The following NCAM2 variants were observed in gnomAD, a reference collection of about 807,000 sequenced individuals.
NCAM2 encodes N-CAM-2.
NCAM2 carries 30 observed loss-of-function variants against 98.1 expected under a neutral mutation model. The observed-to-expected ratio is 0.31, with a 90% CI of 0.23 to 0.41. The LOEUF (loss-of-function observed/expected upper bound fraction) is 0.41. NCAM2 is among the 10% of genes least tolerant of loss of function. The pLI, the probability that NCAM2 is intolerant of heterozygous loss-of-function variation, is 1.00. For synonymous variants in NCAM2, 368 were observed against 342.4 expected (o/e 1.07, Z -0.83); for missense variants, 867 against 1,005.8 (o/e 0.86, Z 1.87).
At chr21:21,300,247 C>T (rs1949436912) in intron 5 of NCAM2, among the ~76,000 whole-genome samples, 2 of 151,952 alleles carry the variant, frequency 1.3e-5, no homozygotes, top group South Asian at 4.2e-4. Flanking sequence ...TTTCCAGGGG[C>T]CCTATTTGCA....
At chr21:21,170,648 C>A (rs757897461) in intron 1 of NCAM2, among the ~76,000 whole-genome samples, 8 of 152,074 alleles carry the variant, frequency 5.3e-5, no homozygotes, top group Non-Finnish European at 1.0e-4. Context: ...CTATTTAGGG[C>A]AGTGGAATTA....
chr21:21,023,911 AT>A (rs2146195821), intron 1 of NCAM2, among the ~76,000 whole-genome samples: 1 of 152,300 alleles, frequency 6.6e-6, no homozygotes, highest in Non-Finnish European at 1.5e-5. Context: ...TTTCACAAAT[AT>A]GTTTCTGAGG....
chr21:21,479,961 C>A (rs1219107538), intron 15 of NCAM2, among the ~76,000 whole-genome samples: 1 of 152,090 alleles, frequency 6.6e-6, no homozygotes, highest in Non-Finnish European at 1.5e-5. Flanking sequence ...TTCTTTGTGA[C>A]AAACCCTTGA....
chr21:21,102,395 C>T (rs1047097551), intron 1 of NCAM2, among the ~76,000 whole-genome samples: 4 of 151,922 alleles, frequency 2.6e-5, no homozygotes, highest in African/African-American at 9.7e-5. Context: ...TTTAACTCCT[C>T]ACAATACAGG....
chr21:21,450,937 A>C (rs1980965168), intron 12 of NCAM2, among the ~76,000 whole-genome samples: 1 of 150,484 alleles, frequency 6.6e-6, no homozygotes, highest in African/African-American at 2.5e-5. Context: ...TTTAATTTAA[A>C]GGGTGGGAGA....
intron 1 of NCAM2, among the ~76,000 whole-genome samples, chr21:21,017,640 C>T (rs1429028724): frequency 6.6e-6 from 1 of 151,946 alleles, no homozygotes; most frequent in African/African-American, 2.4e-5. Context: ...AAAAGCTGCA[C>T]AGTGAATCAA....
intron 1 of NCAM2, among the ~76,000 whole-genome samples, chr21:21,056,992 T>A (rs899509763): frequency 1.3e-5 from 2 of 151,990 alleles, no homozygotes; most frequent in African/African-American, 2.4e-5. Context: ...TTTTGTTTTA[T>A]TATAAAAAAT....
At chr21:21,253,446 C>T (rs1206097664) in intron 1 of NCAM2, among the ~76,000 whole-genome samples, 3 of 152,008 alleles carry the variant, frequency 2.0e-5, no homozygotes, top group African/African-American at 7.3e-5. Flanking sequence ...CATTGGAGCC[C>T]TTATAAATGG....
At chr21:21,491,227 A>C (rs1986819651) in intron 15 of NCAM2, among the ~76,000 whole-genome samples, 1 of 151,910 alleles carries the variant, frequency 6.6e-6, no homozygotes, top group African/African-American at 2.4e-5. Flanking sequence ...AACTTGTTCT[A>C]GTGTCTTCAT....
chr21:21,166,593 A>G (rs2067959829), intron 1 of NCAM2, among the ~76,000 whole-genome samples: 1 of 152,198 alleles, frequency 6.6e-6, no homozygotes, highest in African/African-American at 2.4e-5. Flanking sequence ...AGATGTAACC[A>G]GAACAATAAG....
At chr21:21,362,073 C>G (rs2075660800) in intron 8 of NCAM2, among the ~76,000 whole-genome samples, 1 of 151,952 alleles carries the variant, frequency 6.6e-6, no homozygotes, top group African/African-American at 2.4e-5. Context: ...GCTGTTACTG[C>G]CTTGGCCGAA....
chr21:21,253,041 T>G (rs1053719236), intron 1 of NCAM2, among the ~76,000 whole-genome samples: 5 of 152,202 alleles, frequency 3.3e-5, no homozygotes, highest in Non-Finnish European at 7.3e-5. Flanking sequence ...CCATCTTCCC[T>G]TTTCTCTGAT....
chr21:21,351,904 G>C (rs750375582), intron 8 of NCAM2, among the ~76,000 whole-genome samples: 1 of 151,814 alleles, frequency 6.6e-6, no homozygotes, highest in Non-Finnish European at 1.5e-5. Context: ...ACGCCATCAC[G>C]CCCGGCTAAT....
chr21:21,048,191 A>G (rs141655487), intron 1 of NCAM2, among the ~76,000 whole-genome samples: 444 of 152,266 alleles, frequency 2.9e-3, no homozygotes, highest in Non-Finnish European at 5.0e-3. Flanking sequence ...CCTCTGTACA[A>G]TAAAACTTGG....
intron 6 of NCAM2, among the ~76,000 whole-genome samples, chr21:21,329,362 A>G (rs748832761): frequency 6.6e-6 from 1 of 152,194 alleles, no homozygotes; most frequent in Non-Finnish European, 1.5e-5. Flanking sequence ...ATAGTAACAT[A>G]CCGTACAAGT....
intron 1 of NCAM2, among the ~76,000 whole-genome samples, chr21:21,040,019 T>A (rs1237914844): frequency 2.6e-5 from 4 of 152,198 alleles, no homozygotes; most frequent in Admixed American, 2.6e-4. Context: ...CAGTTATTAC[T>A]GTTAAGGGCA....
intron 15 of NCAM2, among the ~76,000 whole-genome samples, chr21:21,505,963 C>A (rs533525832): frequency 6.6e-6 from 1 of 151,668 alleles, no homozygotes; most frequent in Admixed American, 6.6e-5. Flanking sequence ...GATGGCTTAC[C>A]CCAAAAGCTA....
intron 12 of NCAM2, among the ~76,000 whole-genome samples, chr21:21,446,840 A>T (rs951703835): frequency 6.6e-6 from 1 of 152,166 alleles, no homozygotes; most frequent in Non-Finnish European, 1.5e-5. Flanking sequence ...AATATAGCTA[A>T]CAAGGGAATG....
chr21:21,502,505 G>T (rs1043911727), intron 15 of NCAM2, among the ~76,000 whole-genome samples: 1 of 151,872 alleles, frequency 6.6e-6, no homozygotes, highest in Non-Finnish European at 1.5e-5. Flanking sequence ...ATTTCAAGTT[G>T]CAGGGGATTT....
Sources: gnomAD v4.1 joint callset for allele counts (sites outside exome capture counted in the v4.1 genomes callset) on GRCh38, gnomAD v4.1.1 for gene constraint, MANE v1.5 for transcripts, NCBI Gene and HGNC (gene_info 2026-07-23, HGNC 2026-07-21) for gene names.